The following IFT80 variants were observed in gnomAD, a reference collection of about 807,000 sequenced individuals.
IFT80 encodes intraflagellar transport protein 80 homolog.
In IFT80, 79 loss-of-function variants were observed where a neutral mutation model predicts 107.9. The observed-to-expected ratio is 0.73, with a 90% CI of 0.61 to 0.88. The LOEUF is 0.88. Ranked by LOEUF, IFT80 falls within the 40% of genes least tolerant of loss-of-function variation. IFT80 has a pLI of 0.00. For synonymous variants in IFT80, 299 were observed against 300.9 expected (o/e 0.99, Z 0.07); for missense variants, 797 against 914.2 (o/e 0.87, Z 1.65).
chr3:160,303,892 A>C (rs762250965), intron 11 of IFT80, 23 bp downstream of exon 11: 3 of 1,459,370 alleles, frequency 2.1e-6, no homozygotes, highest in African/African-American at 1.4e-5. Context: ...CCCCAGATCC[A>C]GTAGTTAAAC....
intron 2 of IFT80, 102 bp downstream of exon 2, chr3:160,384,462 A>G: frequency 8.1e-7 from 1 of 1,230,278 alleles, no homozygotes; most frequent in Non-Finnish European, 1.1e-6. Flanking sequence ...TAAAGGAATG[A>G]AAAAAAAAAT....
chr3:160,339,726 A>C (rs1719749844), intron 8 of IFT80, among the ~76,000 whole-genome samples: 1 of 152,264 alleles, frequency 6.6e-6, no homozygotes, highest in Admixed American at 6.5e-5. Context: ...ATTATAAAAG[A>C]AGTTTACAGG....
intron 14 of IFT80, 42 bp from the exon 15 acceptor site, chr3:160,280,856 T>C (rs556364921): frequency 1.7e-5 from 26 of 1,539,262 alleles, no homozygotes; most frequent in East Asian, 1.6e-4. Context: ...AGCTTTAATA[T>C]GTAAGAATTA....
chr3:160,366,601 T>C (rs1721883474), intron 5 of IFT80, among the ~76,000 whole-genome samples: 1 of 152,124 alleles, frequency 6.6e-6, no homozygotes, highest in African/African-American at 2.4e-5. Flanking sequence ...CAACAAATGA[T>C]GTTGGTTTAA....
chr3:160,358,658 ATTC>A (rs1358381171), intron 6 of IFT80, among the ~76,000 whole-genome samples: 1 of 152,186 alleles, frequency 6.6e-6, no homozygotes, highest in African/African-American at 2.4e-5. Context: ...CCAGCCATGG[ATTC>A]TTAAGAGTTT....
intron 6 of IFT80, among the ~76,000 whole-genome samples, chr3:160,360,246 A>G (rs1721395026): frequency 6.6e-6 from 1 of 152,212 alleles, no homozygotes; most frequent in African/African-American, 2.4e-5. Context: ...AAGTGGAAGA[A>G]AGGGTATCAG....
intron 19 of IFT80, among the ~76,000 whole-genome samples, chr3:160,265,955 A>G (rs776923474): frequency 6.6e-6 from 1 of 152,218 alleles, no homozygotes; most frequent in Non-Finnish European, 1.5e-5. Flanking sequence ...CCAAAAGGTC[A>G]GCAAGTAATG....
chr3:160,312,582 T>C (rs1321124920), intron 9 of IFT80, among the ~76,000 whole-genome samples: 1 of 97,850 alleles, frequency 1.0e-5, no homozygotes, highest in Non-Finnish European at 1.9e-5. Context: ...TATATATATA[T>C]AATATATATA....
chr3:160,356,317 T>C (rs1187545982), intron 7 of IFT80, among the ~76,000 whole-genome samples, 167 bp from the exon 8 acceptor site: 2 of 152,170 alleles, frequency 1.3e-5, no homozygotes, highest in African/African-American at 4.8e-5. Context: ...CAGCACCTTA[T>C]ATATTAGCAA....
chr3:160,290,394 CGA>C (rs1715453867), intron 12 of IFT80, among the ~76,000 whole-genome samples: 1 of 136,846 alleles, frequency 7.3e-6, no homozygotes, highest in East Asian at 2.1e-4. Flanking sequence ...GGCAACAGCG[CGA>C]GACTGTCTCA....
At chr3:160,389,847 C>G (rs1029167778) in intron 1 of IFT80, among the ~76,000 whole-genome samples, 8 of 150,728 alleles carry the variant, frequency 5.3e-5, no homozygotes, top group East Asian at 1.9e-4. Flanking sequence ...TATATACCCA[C>G]TAATGGGATG....
At chr3:160,330,600 T>G (rs1305965540) in intron 8 of IFT80, among the ~76,000 whole-genome samples, 1 of 152,134 alleles carries the variant, frequency 6.6e-6, no homozygotes, top group African/African-American at 2.4e-5. Flanking sequence ...TAAAATGGAT[T>G]CCTGGGCCCG....
rs545413654 is a variant in IFT80 at position 160,397,716 on chromosome 3, CTT to C, written c.-47+1428_-47+1429del. ...AATACACCACTCAATTTGGTCTATA[CTT>C]TTTTTTTTTTTTTTTTTTTTGAGAC... On this transcript the variant is annotated intron_variant, in intron 1 of 19. Coordinates refer to ENST00000326448, the MANE Select transcript of IFT80 (RefSeq NM_020800.3). Among the ~76,000 whole-genome samples the C allele has an allele frequency of 3.1e-4, 30 of 96,580 alleles. No individual in the cohort carries two copies. In the South Asian group the frequency reaches 4.7e-3, roughly 15 times the overall value. The allele number at this position is 96,580 out of a possible 152,430, so 63.4% of individuals were successfully genotyped here.
chr3:160,299,236 T>TA, intron 12 of IFT80: 4 of 1,152,158 alleles, frequency 3.5e-6, no homozygotes, highest in South Asian at 3.8e-5. Context: ...AGGAAGTCCT[T>TA]TAAAAAAAAA....
intron 12 of IFT80, among the ~76,000 whole-genome samples, chr3:160,296,707 T>C (rs956701935): frequency 3.3e-5 from 5 of 152,160 alleles, no homozygotes; most frequent in African/African-American, 1.2e-4. Flanking sequence ...CCTTACTACA[T>C]TGATAGAAAG....
chr3:160,262,791 A>G (rs1214128597), intron 19 of IFT80, among the ~76,000 whole-genome samples: 1 of 152,154 alleles, frequency 6.6e-6, no homozygotes, highest in African/African-American at 2.4e-5. Flanking sequence ...AGTGTCAAAG[A>G]GACATATTTT....
intron 18 of IFT80, among the ~76,000 whole-genome samples, chr3:160,275,782 G>A (rs1714216037): frequency 1.3e-5 from 2 of 151,968 alleles, no homozygotes; most frequent in Admixed American, 1.3e-4. Flanking sequence ...TATTAGCTGG[G>A]TAATGATACA....
chr3:160,348,103 A>AT (rs1366334568), intron 8 of IFT80, among the ~76,000 whole-genome samples: 1 of 152,144 alleles, frequency 6.6e-6, no homozygotes, highest in Non-Finnish European at 1.5e-5. Context: ...TGGGTAAAAT[A>AT]TATCATTTTA....
In IFT80 at chr3:160,365,351, C is replaced by T. The variant is rs149511386; in HGVS notation, c.549+692G>A. On this transcript the variant is annotated intron_variant, in intron 6 of 19. Transcript: ENST00000326448. ...TCTGTACAGATGTTATAATATGGAA[C>T]CTCAAAGTCATCTCTATGTCCTTAT... Among the ~76,000 whole-genome samples, 670 of 152,146 alleles carry T rather than the reference C, an allele frequency of 4.4e-3. 2 individuals are homozygous for T. The highest frequency in any genetic ancestry group is 0.02 in the Middle Eastern group (6 of 294).
Sources: allele counts gnomAD v4.1 joint callset (sites outside exome capture counted in the v4.1 genomes callset), GRCh38; gene constraint gnomAD v4.1.1; transcripts MANE v1.5; gene names NCBI Gene and HGNC (gene_info 2026-07-23, HGNC 2026-07-21).